Variants in KCNN3 observed in about 807,000 individuals in gnomAD.
KCNN3 encodes the protein potassium calcium-activated channel subfamily N member 3.
Under a neutral mutation model 62.9 loss-of-function variants are expected in KCNN3, and 16 were observed. The ratio of observed to expected loss-of-function variants is 0.25; its 90% CI spans 0.17 to 0.39. The LOEUF (loss-of-function observed/expected upper bound fraction) is 0.39, where lower values mean the gene tolerates loss of function less well. KCNN3 is among the 10% of genes least tolerant of loss of function. The pLI is 1.00. For missense variants in KCNN3, 599 were observed against 949.4 expected (o/e 0.63, Z 4.85); for synonymous variants, 370 against 389.2 (o/e 0.95, Z 0.58).
At chr1:154,850,086 T>C (rs570817802) in intron 1 of KCNN3, among the ~76,000 whole-genome samples, 1 of 152,208 alleles carries the variant, frequency 6.6e-6, no homozygotes, top group East Asian at 1.9e-4. Flanking sequence ...TCGCCAGGCA[T>C]CCGCAGCCCA....
chr1:154,757,732 G>A (rs67863240), intron 3 of KCNN3, among the ~76,000 whole-genome samples: 21,061 of 152,146 alleles, frequency 0.14, 1,717 homozygotes, highest in Non-Finnish European at 0.17. Context: ...TGATGACCAG[G>A]GGAGGAGAGT....
At chr1:154,729,754 ATCT>A (rs1700550505) in intron 4 of KCNN3, among the ~76,000 whole-genome samples, 1 of 152,238 alleles carries the variant, frequency 6.6e-6, no homozygotes, top group African/African-American at 2.4e-5. Context: ...GGAGAAGCTC[ATCT>A]TCTAAAACTG....
At chr1:154,776,967 A>G (rs1302311668) in intron 2 of KCNN3, among the ~76,000 whole-genome samples, 5 of 152,210 alleles carry the variant, frequency 3.3e-5, no homozygotes, top group Non-Finnish European at 7.4e-5. Flanking sequence ...TTGGAGCTCC[A>G]AAGAGACAAG....
At chr1:154,816,337 C>G (rs1200235059) in intron 2 of KCNN3, among the ~76,000 whole-genome samples, 1 of 152,178 alleles carries the variant, frequency 6.6e-6, no homozygotes, top group African/African-American at 2.4e-5. Flanking sequence ...GGCCAAGAAC[C>G]ACAATTTGAA....
intron 1 of KCNN3, among the ~76,000 whole-genome samples, chr1:154,861,892 C>G (rs1031730706): frequency 3.3e-5 from 5 of 152,166 alleles, no homozygotes; most frequent in African/African-American, 1.2e-4. Context: ...GGGGAAGGGA[C>G]TCGACAAAGA....
intron 5 of KCNN3, among the ~76,000 whole-genome samples, chr1:154,724,509 A>G (rs1396619818): frequency 6.6e-6 from 1 of 152,216 alleles, no homozygotes; most frequent in Non-Finnish European, 1.5e-5. Flanking sequence ...CTTGCAGGAA[A>G]TCATCTTACT....
chr1:154,853,030 C>T (rs1652365808), intron 1 of KCNN3, among the ~76,000 whole-genome samples: 1 of 152,226 alleles, frequency 6.6e-6, no homozygotes, highest in Non-Finnish European at 1.5e-5. Context: ...TCACATGTCA[C>T]CCAGGCTGGA....
At chr1:154,815,671 A>G (rs1040114574) in intron 2 of KCNN3, among the ~76,000 whole-genome samples, 1 of 152,246 alleles carries the variant, frequency 6.6e-6, no homozygotes, top group Non-Finnish European at 1.5e-5. Flanking sequence ...CACCATTTTT[A>G]TAGACTGTAC....
intron 7 of KCNN3, among the ~76,000 whole-genome samples, 193 bp downstream of exon 7, chr1:154,713,271 A>C (rs1010284121): frequency 4.6e-5 from 7 of 152,228 alleles, no homozygotes; most frequent in African/African-American, 1.7e-4. Context: ...AAGTTTCAAA[A>C]GCCCACAAGA....
intron 1 of KCNN3, among the ~76,000 whole-genome samples, chr1:154,836,494 G>A (rs185816758): frequency 6.6e-6 from 1 of 152,366 alleles, no homozygotes; most frequent in Non-Finnish European, 1.5e-5. Flanking sequence ...CCACTTGCCA[G>A]GGCAGAGCTG....
At chr1:154,743,817 G>A (rs1009995765) in intron 3 of KCNN3, among the ~76,000 whole-genome samples, 7 of 152,162 alleles carry the variant, frequency 4.6e-5, no homozygotes, top group African/African-American at 1.7e-4. Flanking sequence ...GCTGGGCTAA[G>A]CTATGATGCT....
chr1:154,794,862 T>A (rs933933460), intron 2 of KCNN3, among the ~76,000 whole-genome samples: 3 of 152,178 alleles, frequency 2.0e-5, no homozygotes, highest in African/African-American at 7.2e-5. Context: ...AGCGAGCCTG[T>A]CACACATTGA....
chr1:154,821,888 C>A (rs929603458), intron 2 of KCNN3, among the ~76,000 whole-genome samples: 1 of 152,184 alleles, frequency 6.6e-6, no homozygotes, highest in African/African-American at 2.4e-5. Flanking sequence ...AACAGTTATT[C>A]GAAAGCCACA....
At chr1:154,797,979 C>T (rs1421217844) in intron 2 of KCNN3, among the ~76,000 whole-genome samples, 1 of 152,196 alleles carries the variant, frequency 6.6e-6, no homozygotes, top group Non-Finnish European at 1.5e-5. Context: ...TGTCTTGGAT[C>T]CTCCACATGG....
intron 3 of KCNN3, among the ~76,000 whole-genome samples, chr1:154,761,202 T>C (rs538799591): frequency 2.6e-5 from 4 of 152,352 alleles, no homozygotes; most frequent in African/African-American, 7.2e-5. Context: ...TTTACATGTA[T>C]GAAAATCACA....
chr1:154,832,448 TA>T (rs764691328), intron 1 of KCNN3, among the ~76,000 whole-genome samples: 3 of 151,932 alleles, frequency 2.0e-5, no homozygotes, highest in Admixed American at 2.0e-4. Flanking sequence ...TGTACAGAGT[TA>T]CAGTGAAACA....
chr1:154,735,294 G>A (rs1268535727), intron 3 of KCNN3, among the ~76,000 whole-genome samples: 2 of 152,172 alleles, frequency 1.3e-5, no homozygotes, highest in African/African-American at 2.4e-5. Context: ...CACATCAATG[G>A]TGGGCTCTCC....
rs560143977 is a variant in KCNN3 at position 154,729,218 on chromosome 1, T to G, written c.1591-3192A>C. On this transcript the variant is annotated intron_variant, in intron 4 of 7. Coordinates refer to ENST00000271915, the MANE Select transcript of KCNN3 (RefSeq NM_002249.6). Reference sequence around the variant, plus strand: ...TGCTATGACTTCCCTGGGGTCAGACTGGGGGGAAGAGCCATGACTCAGCCT... The same window carrying G: ...TGCTATGACTTCCCTGGGGTCAGACGGGGGGGAAGAGCCATGACTCAGCCT... 1.1e-4 allele frequency among the ~76,000 whole-genome samples: 17 copies of G among 152,236 alleles called. No individual in the cohort carries two copies. In the South Asian group the frequency reaches 3.5e-3, roughly 32 times the overall value.
rs148577073 is a variant in KCNN3, at chr1:154,772,950, T to C, written c.1030-557A>G. On this transcript the variant is annotated intron_variant, in intron 2 of 7. Transcript: ENST00000271915. This position sits in a 1 kb window ranked among gnomAD's most constrained non-coding sequence, Gnocchi z 5.6. ...TGATCACCAATGGCCAATGATGTCATCAATTATGTCGGTGTAATGAAACCT... is the reference window on the plus strand; with the variant it reads ...TGATCACCAATGGCCAATGATGTCACCAATTATGTCGGTGTAATGAAACCT... Among the ~76,000 whole-genome samples the C allele has an allele frequency of 4.7e-3, 717 of 152,262 alleles. 7 individuals carry two copies. Among genetic ancestry groups the C allele is most frequent in the African/African-American group, 0.016 (679 of 41,528 alleles).
Sources: gnomAD v4.1 joint callset for allele counts (sites outside exome capture counted in the v4.1 genomes callset) on GRCh38, gnomAD v4.1.1 for gene constraint, Gnocchi (gnomAD v3.1) non-coding constraint, MANE v1.5 for transcripts, NCBI Gene and HGNC (gene_info 2026-07-23, HGNC 2026-07-21) for gene names.